The following DICER1 variants were observed in gnomAD, a reference collection of about 807,000 sequenced individuals.
The protein encoded by DICER1 is dicer 1, ribonuclease III, also known as endoribonuclease Dicer.
In DICER1, 43 loss-of-function variants were observed where a neutral mutation model predicts 194.1. The observed-to-expected ratio is 0.22, with a 90% CI of 0.17 to 0.29. The LOEUF is 0.29. DICER1 is among the 10% of genes least tolerant of loss of function. The pLI is 1.00. For synonymous variants in DICER1, 832 were observed against 820.5 expected (o/e 1.01, Z -0.24); for missense variants, 1,608 against 2,317.0 (o/e 0.69, Z 6.28).
chr14:95,107,047 G>C (rs1035390019), intron 17 of DICER1, among the ~76,000 whole-genome samples: 1 of 151,972 alleles, frequency 6.6e-6, no homozygotes, highest in South Asian at 2.1e-4. Flanking sequence ...TCTTTTCCCC[G>C]ATCTGTTGCC....
At chr14:95,118,039 T>C (rs893935426) in intron 8 of DICER1, among the ~76,000 whole-genome samples, 1 of 152,192 alleles carries the variant, frequency 6.6e-6, no homozygotes, top group Admixed American at 6.5e-5. Context: ...GGTGATTTAA[T>C]AGAAATGTGG....
intron 21 of DICER1, 98 bp from the exon 22 acceptor site, chr14:95,100,033 T>C (rs543948380): frequency 1.5e-6 from 2 of 1,307,554 alleles, no homozygotes; most frequent in Admixed American, 3.8e-5. Flanking sequence ...TTCTTAAAAT[T>C]AATCAATTAA....
rs556090668 is a variant in DICER1, at chr14:95,088,570, T to A, written c.*1928A>T. The stretch of plus-strand genomic sequence containing the variant: ...GGTCATATCTTACATTAAGGTTTTT[T>A]AAAAAATCAAATAGACATCTAAGGT... On this transcript the variant is annotated 3_prime_UTR_variant, in exon 27 of 27. Transcript: ENST00000343455. 1 of 232,132 alleles carries A rather than the reference T, an allele frequency of 4.3e-6. No individual in the cohort carries two copies. Among genetic ancestry groups the A allele is most frequent in the Non-Finnish European group, 8.5e-6 (1 of 117,352 alleles). The allele number at this position is 232,132 out of a possible 1,614,324, so 14.4% of individuals were successfully genotyped here. A position where few individuals can be genotyped will look rare whatever the true frequency, so the allele number is the denominator to read the frequency against.
intron 8 of DICER1, among the ~76,000 whole-genome samples, chr14:95,118,372 T>C (rs1401875529): frequency 6.6e-6 from 1 of 152,204 alleles, no homozygotes; most frequent in Admixed American, 6.5e-5. Context: ...AGAAATGTTG[T>C]ATCCTCTCAA....
At chr14:95,097,399 G>A (rs776499264) in intron 22 of DICER1, among the ~76,000 whole-genome samples, 1 of 152,056 alleles carries the variant, frequency 6.6e-6, no homozygotes, top group Non-Finnish European at 1.5e-5. Flanking sequence ...TCTGAACTAC[G>A]GTAATCAGGG....
chr14:95,150,506 C>T (rs1022759052), intron 1 of DICER1, among the ~76,000 whole-genome samples: 1 of 152,028 alleles, frequency 6.6e-6, no homozygotes, highest in Non-Finnish European at 1.5e-5. Context: ...AAAAAGAAAT[C>T]GTATTTTGTT....
chr14:95,091,172 T>G (rs1229418526), intron 25 of DICER1, 31 bp downstream of exon 25: 4 of 1,613,930 alleles, frequency 2.5e-6, no homozygotes, highest in Non-Finnish European at 3.4e-6. Context: ...ATTTTGTGGG[T>G]TTTTTTCTTT....
rs1037879170 is a variant in DICER1, at chr14:95,131,540, T to G, written c.407A>C (p.Glu136Ala). The part of the protein sequence containing the change: ...NLEVNASWTK[E>A]RWNQEFTKHQ... ...CTTAGTAAACTCTTGGTTCCATCTC[T>G]CTTTTGTCCAAGATGCATTTACTTC... is the stretch of plus-strand genomic sequence containing the variant. The change falls in exon 4 of 27, where the codon GAG becomes GCG. Residue 136 changes from glutamate (E) to alanine (A), a missense_variant. Physicochemically the swap from Glu to Ala is moderately radical, Grantham distance 107. Transcript: ENST00000343455. The G allele has an allele frequency of 1.9e-6, 3 of 1,613,566 alleles. No homozygotes were observed. Among genetic ancestry groups the G allele is most frequent in the Non-Finnish European group, 2.5e-6 (3 of 1,179,606 alleles).
At chr14:95,102,160 A>C (rs1211616806) in intron 21 of DICER1, among the ~76,000 whole-genome samples, 1 of 152,158 alleles carries the variant, frequency 6.6e-6, no homozygotes, top group Non-Finnish European at 1.5e-5. Flanking sequence ...CAGAGTAAGC[A>C]CTTTTAAATT....
At chr14:95,140,849 T>C (rs1171692457) in intron 1 of DICER1, 2 of 151,976 alleles carry the variant, frequency 1.3e-5, no homozygotes, top group Non-Finnish European at 2.9e-5. Context: ...ATATGAAGAG[T>C]TGAATAAAAG....
intron 26 of DICER1, 148 bp downstream of exon 26, chr14:95,090,881 AAAGAG>A: frequency 1.0e-6 from 1 of 978,476 alleles, no homozygotes; most frequent in Non-Finnish European, 1.6e-6. Flanking sequence ...CAGAAGGAAA[AAAGAG>A]AAGTCAATCA....
chr14:95,152,342 A>C (rs912168362), intron 1 of DICER1, among the ~76,000 whole-genome samples: 1 of 152,226 alleles, frequency 6.6e-6, no homozygotes, highest in Non-Finnish European at 1.5e-5. Flanking sequence ...GAATAGTAAT[A>C]ATCTTTTTAA....
chr14:95,141,228 C>A (rs1894808405), intron 1 of DICER1: 1 of 152,022 alleles, frequency 6.6e-6, no homozygotes, highest in Admixed American at 6.6e-5. Flanking sequence ...TTCCAATTTC[C>A]CAAAATGAAA....
At chr14:95,128,421 C>A (rs1480236327) in intron 6 of DICER1, among the ~76,000 whole-genome samples, 2 of 152,224 alleles carry the variant, frequency 1.3e-5, no homozygotes, top group Non-Finnish European at 2.9e-5. Flanking sequence ...TTCACCACCA[C>A]AGTGTTGGCT....
intron 22 of DICER1, among the ~76,000 whole-genome samples, chr14:95,098,055 C>T (rs1890524915): frequency 6.6e-6 from 1 of 151,904 alleles, no homozygotes; most frequent in Non-Finnish European, 1.5e-5. Context: ...CCTTCTGTAT[C>T]TTTAGAAAGG....
intron 1 of DICER1, 32 bp from the exon 2 acceptor site, chr14:95,133,535 A>C (rs1474480303): frequency 6.9e-7 from 1 of 1,455,210 alleles, no homozygotes; most frequent in African/African-American, 1.4e-5. Flanking sequence ...CCATTACACA[A>C]TCATGCAGGG....
chr14:95,134,781 G>T (rs1319686124), intron 1 of DICER1, among the ~76,000 whole-genome samples: 1 of 152,204 alleles, frequency 6.6e-6, no homozygotes, highest in Non-Finnish European at 1.5e-5. Context: ...ACGTCTGCGG[G>T]CCTGACAGCA....
intron 1 of DICER1, among the ~76,000 whole-genome samples, chr14:95,148,320 C>G (rs1242591719): frequency 6.6e-6 from 1 of 152,108 alleles, no homozygotes; most frequent in East Asian, 1.9e-4. Context: ...CTTAGTCTTC[C>G]CAGTAACCAG....
At chr14:95,107,464 A>T (rs748567915) in intron 17 of DICER1, 144 bp downstream of exon 17, 2 of 783,038 alleles carry the variant, frequency 2.6e-6, no homozygotes, top group Non-Finnish European at 4.5e-6. Flanking sequence ...GCTGGCCAGG[A>T]TGGTCTCAAT....
Sources: gnomAD v4.1 joint callset for allele counts (sites outside exome capture counted in the v4.1 genomes callset) on GRCh38, gnomAD v4.1.1 for gene constraint, MANE v1.5 for transcripts, NCBI Gene and HGNC (gene_info 2026-07-23, HGNC 2026-07-21) for gene names.